VPS13B: variants seen among roughly 807,000 people sequenced by gnomAD.
The protein encoded by VPS13B is vacuolar protein sorting 13 homolog B, also known as intermembrane lipid transfer protein VPS13B.
VPS13B carries 285 observed loss-of-function variants against 426.4 expected under a neutral mutation model. The observed-to-expected ratio is 0.67, with a 90% CI of 0.61 to 0.74. The LOEUF (loss-of-function observed/expected upper bound fraction) is 0.74. VPS13B is among the 30% of genes least tolerant of loss of function. The probability of loss-of-function intolerance (pLI) is 0.00; values close to 1 mark genes in which losing one functional copy is unlikely to be tolerated. For synonymous variants in VPS13B, 1,676 were observed against 1,676.4 expected (o/e 1.00, Z 0.01); for missense variants, 4,537 against 4,782.6 (o/e 0.95, Z 1.51).
intron 33 of VPS13B, among the ~76,000 whole-genome samples, chr8:99,639,546 C>A (rs969523259): frequency 6.6e-6 from 1 of 151,650 alleles, no homozygotes; most frequent in Admixed American, 6.6e-5. Context: ...CTATAAAAAC[C>A]AATTAACAAG....
chr8:99,467,751 GC>G, intron 24 of VPS13B, 117 bp downstream of exon 24: 1 of 1,105,166 alleles, frequency 9.0e-7, no homozygotes, highest in Non-Finnish European at 1.3e-6. Flanking sequence ...TTTTAACTTG[GC>G]CATCAAGATC....
Position 99,859,422 on chromosome 8 carries a change from A to C in VPS13B, c.10986A>C (p.Gly3662=). The change falls in exon 57 of 62, where the codon GGA becomes GGC. Residue 3662 remains glycine, a synonymous_variant. Transcript: ENST00000357162. ...ATGAGGGGCTGACCCGGGGCCCTGG[A>C]GCCTTCGTGAGTGGCGTCTCCAGAG... ...LPYEGLTRGP[G]AFVSGVSRGT... 1 of 1,613,718 alleles carries C rather than the reference A, an allele frequency of 6.2e-7. No individual in the cohort carries two copies. The highest frequency in any genetic ancestry group is 1.7e-4 in the Middle Eastern group (1 of 6,056).
At chr8:99,069,133 C>T (rs1164211783) in intron 3 of VPS13B, among the ~76,000 whole-genome samples, 1 of 151,970 alleles carries the variant, frequency 6.6e-6, no homozygotes, top group Non-Finnish European at 1.5e-5. Context: ...AATTTGAGCC[C>T]TTAAATAAAT....
At chr8:99,286,360 A>G (rs989833682) in intron 19 of VPS13B, among the ~76,000 whole-genome samples, 6 of 152,210 alleles carry the variant, frequency 3.9e-5, no homozygotes, top group African/African-American at 1.4e-4. Flanking sequence ...TCATATAGAA[A>G]TAAGACAAGT....
intron 11 of VPS13B, 61 bp from the exon 12 acceptor site, chr8:99,136,604 C>A: frequency 1.3e-6 from 2 of 1,555,634 alleles, no homozygotes; most frequent in Non-Finnish European, 1.8e-6. Flanking sequence ...ACCTATCAAG[C>A]TTTAAACTCA....
chr8:99,660,997 C>T (rs1282995025), intron 34 of VPS13B, among the ~76,000 whole-genome samples: 1 of 152,008 alleles, frequency 6.6e-6, no homozygotes, highest in Admixed American at 6.6e-5. Flanking sequence ...ACAAGATTGT[C>T]CTTTTTTCTT....
At chr8:99,637,042 C>T (rs1345479885) in intron 33 of VPS13B, among the ~76,000 whole-genome samples, 1 of 152,008 alleles carries the variant, frequency 6.6e-6, no homozygotes, top group South Asian at 2.1e-4. Context: ...CATGTTTCTG[C>T]TGCACCAACA....
At chr8:99,369,820 T>A (rs533582320) in intron 19 of VPS13B, among the ~76,000 whole-genome samples, 1 of 152,208 alleles carries the variant, frequency 6.6e-6, no homozygotes, top group East Asian at 1.9e-4. Context: ...TTCTCCCTCC[T>A]TTTTTGTTGA....
chr8:99,486,866 C>T lies in VPS13B; in HGVS notation c.3870+5064C>T, dbSNP rs148159250. 4.5e-4 allele frequency among the ~76,000 whole-genome samples: 69 copies of T among 152,012 alleles called. 1 individual carries two copies. The highest frequency in any genetic ancestry group is 1.5e-3 in the African/African-American group (64 of 41,476). The stretch of plus-strand genomic sequence containing the variant: ...TTGTCTTTATTTCAAGTTTTGCTAT[C>T]GTATTAGAAAAAGATGGTAGTCTGA... On this transcript the variant is annotated intron_variant, in intron 25 of 61. Transcript: ENST00000357162.
At position 99,829,783 on chromosome 8, in the gene VPS13B, G is replaced by A. The variant is rs539250457; in HGVS notation, c.9331-2586G>A. Among the ~76,000 whole-genome samples, 24 of 152,272 alleles carry A rather than the reference G, an allele frequency of 1.6e-4. No individual in the cohort carries two copies. In the East Asian group the frequency reaches 2.3e-3, roughly 15 times the overall value. On this transcript the variant is annotated intron_variant, in intron 51 of 61. Coordinates refer to ENST00000357162, the MANE Select transcript of VPS13B (RefSeq NM_152564.5). ...GGTGACCTTCAGATGGAGTTTTTGC[G>A]TAGTTGTCCTTTTTGTTGATGTTGA...
At chr8:99,819,794 A>G in intron 48 of VPS13B, 127 bp from the exon 49 acceptor site, 1 of 1,320,320 alleles carries the variant, frequency 7.6e-7, no homozygotes, top group Non-Finnish European at 1.1e-6. Flanking sequence ...CAAATTTAGC[A>G]TTGAAAGATT....
In VPS13B at chr8:99,832,637, A is replaced by G; in HGVS notation, c.9599A>G (p.Asn3200Ser). The G allele has an allele frequency of 6.2e-7, 1 of 1,613,698 alleles. No individual in the cohort carries two copies. Residue 3200 changes from asparagine (N) to serine (S), a missense_variant, in exon 52 of 62, where the codon AAT (asparagine) becomes AGT (serine). By Grantham distance (46) the Asn-to-Ser change is conservative. Around this residue, in one of 2 missense-constraint regions of VPS13B, gnomAD observed 4,311 missense variants for 4,474.3 expected, o/e 0.96. Coordinates refer to ENST00000357162, the MANE Select transcript of VPS13B (RefSeq NM_152564.5). ...VAVPLGNFRE[N>S]GFCTRAIVLT... is the part of the protein sequence containing the mutation. Reference sequence around the variant, plus strand: ...GTACCCCTCGGGAATTTCCGGGAAAATGGATTCTGTACCAGGTATTTTATG... The same window carrying G: ...GTACCCCTCGGGAATTTCCGGGAAAGTGGATTCTGTACCAGGTATTTTATG...
chr8:99,296,664 T>C (rs1820058489), intron 19 of VPS13B, among the ~76,000 whole-genome samples: 1 of 152,202 alleles, frequency 6.6e-6, no homozygotes, highest in Admixed American at 6.5e-5. Flanking sequence ...GTGATAATAT[T>C]AGGAAGTGGG....
intron 35 of VPS13B, among the ~76,000 whole-genome samples, chr8:99,695,798 G>A (rs1018063708): frequency 2.0e-5 from 3 of 151,880 alleles, no homozygotes; most frequent in Non-Finnish European, 4.4e-5. Flanking sequence ...CCCTGAGAGA[G>A]CCTGGGTATC....
At chr8:99,743,110 T>C (rs1809849263) in intron 39 of VPS13B, among the ~76,000 whole-genome samples, 1 of 152,206 alleles carries the variant, frequency 6.6e-6, no homozygotes, top group Non-Finnish European at 1.5e-5. Context: ...CTTAAGCTGA[T>C]AGGCAACTTC....
At chr8:99,099,502 A>G (rs539208648) in intron 4 of VPS13B, among the ~76,000 whole-genome samples, 18 of 152,286 alleles carry the variant, frequency 1.2e-4, no homozygotes, top group Admixed American at 3.9e-4. Flanking sequence ...GATACATGCC[A>G]TTTAAGACTA....
At chr8:99,227,076 A>G (rs1305683104) in intron 17 of VPS13B, among the ~76,000 whole-genome samples, 1 of 152,190 alleles carries the variant, frequency 6.6e-6, no homozygotes, top group Non-Finnish European at 1.5e-5. Context: ...GGTATCTATC[A>G]TTCTACTGTC....
chr8:99,095,312 T>C (rs1488715044), intron 3 of VPS13B, among the ~76,000 whole-genome samples: 1 of 151,764 alleles, frequency 6.6e-6, no homozygotes, highest in African/African-American at 2.4e-5. Flanking sequence ...TCTTAGACAC[T>C]GTATACTCTG....
chr8:99,137,473 G>A (rs1448036287), intron 12 of VPS13B, among the ~76,000 whole-genome samples: 1 of 151,080 alleles, frequency 6.6e-6, no homozygotes, highest in Non-Finnish European at 1.5e-5. Flanking sequence ...AGGCATTTAA[G>A]TAAATGATTA....
Sources: allele counts gnomAD v4.1 joint callset (sites outside exome capture counted in the v4.1 genomes callset), GRCh38; gene constraint gnomAD v4.1.1; regional missense constraint gnomAD v4.1.1; transcripts MANE v1.5; gene names NCBI Gene and HGNC (gene_info 2026-07-23, HGNC 2026-07-21).